MAST4: variants seen among roughly 807,000 people sequenced by gnomAD.
The protein encoded by MAST4 is microtubule-associated serine/threonine-protein kinase 4.
MAST4 carries 89 observed loss-of-function variants against 162.7 expected under a neutral mutation model. The observed-to-expected ratio is 0.55, with a 90% CI of 0.46 to 0.65. The LOEUF (loss-of-function observed/expected upper bound fraction) is 0.65. Ranked by LOEUF, MAST4 falls within the 30% of genes least tolerant of loss-of-function variation. The pLI is 0.00. For missense variants in MAST4, 3,153 were observed against 3,374.0 expected, an observed-to-expected ratio of 0.93 and a Z score of 1.62; for synonymous variants, 1,479 against 1,361.1, an observed-to-expected ratio of 1.09 and a Z score of -1.91.
rs1262652708 is a variant in MAST4 at position 67,164,720 on chromosome 5, T to C, written c.5541T>C (p.Ser1847=). The change falls in exon 29 of 29, where the codon AGT becomes AGC. Residue 1847 remains serine, a synonymous_variant. Transcript: ENST00000403625. This position sits in a 1 kb window ranked among gnomAD's most constrained non-coding sequence, Gnocchi z 5.3. ...ASVPPVLPSS[S]GKKNDTTSAR... ...TGCCACCAGTTCTCCCCAGCAGCAGTGGGAAAAAGAACGATACCACCAGTG... is the reference window on the plus strand; with the variant it reads ...TGCCACCAGTTCTCCCCAGCAGCAGCGGGAAAAAGAACGATACCACCAGTG... 6.2e-7 allele frequency: 1 copy of C among 1,613,824 alleles called. No individual in the cohort carries two copies. The highest frequency in any genetic ancestry group is 8.5e-7 in the Non-Finnish European group (1 of 1,179,848).
rs3221116 is a variant in MAST4, at chr5:66,951,598, A to AT, written c.674+51617dup. The stretch of plus-strand genomic sequence containing the variant: ...AGGCCATTATTTTGCCTCCCATGAT[A>AT]TGTGTGTGTGTGTGTGTGTGTGTGT... On this transcript the variant is annotated intron_variant, in intron 4 of 28. Coordinates refer to ENST00000403625, the MANE Select transcript of MAST4 (RefSeq NM_001164664.2). Among the ~76,000 whole-genome samples, 4 of 122,340 alleles carry AT rather than the reference A, an allele frequency of 3.3e-5. No individual in the cohort carries two copies. In the Admixed American group the frequency reaches 3.4e-4, roughly 10 times the overall value. 80.3% of individuals were successfully genotyped at this position (122,340 alleles called of 152,430 possible). A position where few individuals can be genotyped will look rare whatever the true frequency, so the allele number is the denominator to read the frequency against.
intron 1 of MAST4, among the ~76,000 whole-genome samples, chr5:66,749,509 T>C (rs2149589446): frequency 6.6e-6 from 1 of 152,314 alleles, no homozygotes; most frequent in South Asian, 2.1e-4. Context: ...AAAACCTTGG[T>C]ATGATTGTAA....
intron 4 of MAST4, among the ~76,000 whole-genome samples, chr5:67,047,532 G>C (rs989501517): frequency 3.3e-5 from 5 of 152,116 alleles, no homozygotes; most frequent in Non-Finnish European, 7.3e-5. Context: ...TGCAATCTCT[G>C]TCCTACTTTG....
At chr5:66,940,151 T>C (rs1215910261) in intron 4 of MAST4, among the ~76,000 whole-genome samples, 1 of 152,142 alleles carries the variant, frequency 6.6e-6, no homozygotes, top group Non-Finnish European at 1.5e-5. Flanking sequence ...AAAAATACTT[T>C]ATTGCTAAAA....
chr5:66,958,552 GTAGTTTCC>G (rs372668421), intron 4 of MAST4, among the ~76,000 whole-genome samples: 2 of 152,280 alleles, frequency 1.3e-5, no homozygotes, highest in African/African-American at 4.8e-5. Context: ...TTTCCAGTTG[GTAGTTTCC>G]TATCATCGGG....
At chr5:66,995,908 C>CAT (rs1315245126) in intron 4 of MAST4, among the ~76,000 whole-genome samples, 1 of 151,572 alleles carries the variant, frequency 6.6e-6, no homozygotes, top group Admixed American at 6.6e-5. Flanking sequence ...CACACACACA[C>CAT]ACACAAACTT....
intron 1 of MAST4, among the ~76,000 whole-genome samples, chr5:66,666,911 A>C (rs1747297005): frequency 6.6e-6 from 1 of 152,188 alleles, no homozygotes. Flanking sequence ...GGGTAAGAAT[A>C]AGGGTTGGTT....
chr5:66,993,064 A>G (rs1004558667), intron 4 of MAST4, among the ~76,000 whole-genome samples: 1 of 152,240 alleles, frequency 6.6e-6, no homozygotes, highest in Admixed American at 6.5e-5. Flanking sequence ...ATTGGGAAGG[A>G]AAGTAAAAAC....
intron 1 of MAST4, among the ~76,000 whole-genome samples, chr5:66,670,039 T>A (rs1747510102): frequency 6.6e-6 from 1 of 152,234 alleles, no homozygotes. Flanking sequence ...GGTTTTCTAA[T>A]GCCTTGCTCA....
intron 1 of MAST4, among the ~76,000 whole-genome samples, chr5:66,737,357 T>C (rs1370758531): frequency 6.6e-6 from 1 of 152,026 alleles, no homozygotes; most frequent in Non-Finnish European, 1.5e-5. Context: ...TGAGAGAAAA[T>C]GCAAAGAGGA....
At chr5:67,054,119 A>AACT (rs1336126776) in intron 4 of MAST4, among the ~76,000 whole-genome samples, 5 of 152,202 alleles carry the variant, frequency 3.3e-5, no homozygotes, top group Non-Finnish European at 7.3e-5. Context: ...ACTTGTGTGT[A>AACT]TGGCATGTTA....
intron 1 of MAST4, among the ~76,000 whole-genome samples, chr5:66,727,127 G>C (rs570786506): frequency 2.0e-5 from 3 of 152,024 alleles, no homozygotes; most frequent in African/African-American, 7.3e-5. Context: ...AAGGGATGAA[G>C]ATGAAGAAGA....
intron 3 of MAST4, among the ~76,000 whole-genome samples, chr5:66,835,907 C>T (rs1757934813): frequency 6.6e-6 from 1 of 152,130 alleles, no homozygotes; most frequent in Non-Finnish European, 1.5e-5. Context: ...CAGTGGCTCA[C>T]ACCTGTAATC....
chr5:67,063,564 G>T (rs1759881175), intron 5 of MAST4, among the ~76,000 whole-genome samples: 1 of 151,480 alleles, frequency 6.6e-6, no homozygotes, highest in Non-Finnish European at 1.5e-5. Context: ...AATTAAAGCT[G>T]TTGGAAACTG....
At chr5:66,833,246 T>G (rs1318212324) in intron 3 of MAST4, among the ~76,000 whole-genome samples, 1 of 152,218 alleles carries the variant, frequency 6.6e-6, no homozygotes, top group Admixed American at 6.5e-5. Context: ...ATTCTCCAAG[T>G]CATTCTAGTT....
In MAST4 at chr5:66,596,858, C is replaced by T; in HGVS notation, c.203C>T (p.Pro68Leu). 8.7e-7 allele frequency: 1 copy of T among 1,154,482 alleles called. No individual in the cohort carries two copies. Among genetic ancestry groups the T allele is most frequent in the Non-Finnish European group, 1.1e-6 (1 of 933,666 alleles). The allele number at this position is 1,154,482 out of a possible 1,614,324, so 71.5% of individuals were successfully genotyped here. Residue 68 changes from proline to leucine, a missense_variant, in exon 1 of 29, where the codon CCG becomes CTG. Physicochemically the swap from Pro to Leu is moderately conservative, Grantham distance 98 (BLOSUM62 -3). Around this residue, in one of 7 missense-constraint regions of MAST4, gnomAD observed 327 missense variants for 336.5 expected, o/e 0.97. Transcript: ENST00000403625. ...GAGCATCAGCCGCCGCCGCCGCCGCCGTTGGGAGGCACCCTGGGCGCCCGG... is the reference window on the plus strand; with the variant it reads ...GAGCATCAGCCGCCGCCGCCGCCGCTGTTGGGAGGCACCCTGGGCGCCCGG... ...SREHQPPPPPPLGGTLGARAP... is the reference protein window; with the variant it reads ...SREHQPPPPPLLGGTLGARAP...
chr5:66,916,309 C>T (rs1293758291), intron 4 of MAST4, among the ~76,000 whole-genome samples: 2 of 152,094 alleles, frequency 1.3e-5, no homozygotes, highest in East Asian at 3.9e-4. Flanking sequence ...AACTACATGG[C>T]TGATACACAG....
chr5:66,828,533 C>T (rs1356578864), intron 3 of MAST4, among the ~76,000 whole-genome samples: 1 of 152,160 alleles, frequency 6.6e-6, no homozygotes, highest in Admixed American at 6.5e-5. Context: ...AATGCCACAG[C>T]CAGCATTCTG....
At chr5:67,095,380 A>G (rs1390935195) in intron 6 of MAST4, among the ~76,000 whole-genome samples, 1 of 152,160 alleles carries the variant, frequency 6.6e-6, no homozygotes, top group African/African-American at 2.4e-5. Flanking sequence ...ATATGGATCA[A>G]CCCATTCCCT....
Sources: allele counts gnomAD v4.1 joint callset (sites outside exome capture counted in the v4.1 genomes callset), GRCh38; gene constraint gnomAD v4.1.1; regional missense constraint gnomAD v4.1.1; non-coding constraint Gnocchi (gnomAD v3.1); transcripts MANE v1.5; gene names NCBI Gene and HGNC (gene_info 2026-07-23, HGNC 2026-07-21).